CCNC: variants seen among roughly 807,000 people sequenced by gnomAD.
CCNC encodes cyclin-C.
Under a neutral mutation model 50.0 loss-of-function variants are expected in CCNC, and 19 were observed. The ratio of observed to expected loss-of-function variants is 0.38; its 90% CI spans 0.27 to 0.56. The LOEUF is 0.56. Ranked by LOEUF, CCNC falls within the 20% of genes least tolerant of loss-of-function variation. The probability of loss-of-function intolerance (pLI) is 0.72; values close to 1 mark genes in which losing one functional copy is unlikely to be tolerated. For synonymous variants in CCNC, 93 were observed against 103.7 expected (o/e 0.90, Z 0.63); for missense variants, 200 against 327.1 (o/e 0.61, Z 3.00).
At position 99,568,623 on chromosome 6, in the gene CCNC, C is replaced by T. The variant is rs1769265616; in HGVS notation, c.-96G>A. The T allele has an allele frequency of 5.8e-6, 9 of 1,558,660 alleles. No homozygotes were observed. The highest frequency in any genetic ancestry group is 7.8e-6 in the Non-Finnish European group (9 of 1,153,376). ...CCGTCCGGTAACCGCGCTCCTCGAT[C>T]AAATCAGCTCGGCTCGACTCCGCTC... On this transcript the variant is annotated 5_prime_UTR_variant, in exon 1 of 12. Transcript: ENST00000520429.
Position 99,549,592 on chromosome 6 carries a change from CAT to C in CCNC, c.531-19_531-18del. ...ACTATCCTCCTATAGAAATGTAAAT[CAT>C]ATTATTACTGAAAGCAGAACTACCT... On this transcript the variant is annotated intron_variant, in intron 8 of 11. Transcript: ENST00000520429. 6.6e-7 allele frequency: 1 copy of C among 1,513,360 alleles called. No homozygotes were observed. Among genetic ancestry groups the C allele is most frequent in the Non-Finnish European group, 9.2e-7 (1 of 1,091,360 alleles). The allele number at this position is 1,513,360 out of a possible 1,614,324, so 93.7% of individuals were successfully genotyped here. A position where few individuals can be genotyped will look rare whatever the true frequency, so the allele number is the denominator to read the frequency against.
At chr6:99,562,981 C>T (rs1349798810) in intron 1 of CCNC, 33 bp from the exon 2 acceptor site, 2 of 1,366,854 alleles carry the variant, frequency 1.5e-6, no homozygotes, top group Admixed American at 1.8e-5. Flanking sequence ...AATCAACAAG[C>T]AAGGTCAGAG....
At chr6:99,552,094 A>T (rs1420393055) in intron 5 of CCNC, among the ~76,000 whole-genome samples, 199 bp from the exon 6 acceptor site, 1 of 152,086 alleles carries the variant, frequency 6.6e-6, no homozygotes, top group Admixed American at 6.6e-5. Context: ...ACACAGCTTC[A>T]ATTTTATATT....
chr6:99,568,171 C>A (rs779968512), intron 1 of CCNC: 46 of 417,226 alleles, frequency 1.1e-4, no homozygotes, highest in South Asian at 5.6e-4. Context: ...AGTCACACTT[C>A]CCGTACCTGT....
intron 11 of CCNC, chr6:99,544,375 T>A: frequency 1.1e-6 from 1 of 950,464 alleles, no homozygotes; most frequent in Non-Finnish European, 1.6e-6. Flanking sequence ...AACTTATGAG[T>A]AGCAATCCAT....
intron 9 of CCNC, 35 bp from the exon 10 acceptor site, chr6:99,546,509 A>G (rs1286389414): frequency 4.7e-6 from 6 of 1,270,304 alleles, no homozygotes; most frequent in African/African-American, 1.5e-5. Context: ...GTCCATGTTT[A>G]ACTGCAAACA....
intron 2 of CCNC, 179 bp downstream of exon 2, chr6:99,562,663 C>CA (rs558111005): frequency 6.0e-5 from 31 of 515,002 alleles, no homozygotes; most frequent in South Asian, 3.9e-4. Flanking sequence ...AAAATTCACA[C>CA]AAAAAAACTT....
rs1769241170 is a variant in CCNC at position 99,568,278 on chromosome 6, C to T, written c.32+218G>A. On this transcript the variant is annotated intron_variant, in intron 1 of 11. Transcript: ENST00000520429. ...CCGGGAGACGAAACTCTCTCCCACC[C>T]CTCCCCCTCACAGATCCTTCCCTCC... The T allele has an allele frequency of 5.1e-6, 3 of 586,516 alleles. No homozygotes were observed. In the Admixed American group the frequency reaches 9.0e-5, roughly 18 times the overall value. The allele number at this position is 586,516 out of a possible 1,614,324, so 36.3% of individuals were successfully genotyped here. A position where few individuals can be genotyped will look rare whatever the true frequency, so the allele number is the denominator to read the frequency against.
chr6:99,565,090 GTAAT>G (rs1478262781), intron 1 of CCNC, among the ~76,000 whole-genome samples: 1 of 151,932 alleles, frequency 6.6e-6, no homozygotes, highest in East Asian at 1.9e-4. Flanking sequence ...AGAAAATTAA[GTAAT>G]TAATAGGTGA....
At chr6:99,568,203 G>A (rs749195783) in intron 1 of CCNC, 2 of 473,848 alleles carry the variant, frequency 4.2e-6, no homozygotes, top group Non-Finnish European at 7.7e-6. Flanking sequence ...CCGACCCCCC[G>A]CGGCCTAGCT....
chr6:99,545,736 T>C (rs1802042551), intron 10 of CCNC, among the ~76,000 whole-genome samples: 1 of 152,186 alleles, frequency 6.6e-6, no homozygotes, highest in Non-Finnish European at 1.5e-5. Context: ...TTAATTTTAA[T>C]GCATTTAACA....
chr6:99,565,308 C>T (rs1769078841), intron 1 of CCNC, among the ~76,000 whole-genome samples: 1 of 151,942 alleles, frequency 6.6e-6, no homozygotes, highest in Admixed American at 6.6e-5. Context: ...TCTGTATGTG[C>T]CACTATGGAC....
Position 99,545,154 on chromosome 6 carries a change from G to T in CCNC, c.755C>A (p.Thr252Asn), listed in dbSNP as rs1319094771. ...TGGTTTTGGCATCTTACTAAGAATG[G>T]TTGCCATCTCTTTTCTCTCATCGAA... The part of the protein sequence containing the change: ...KNFDERKEMA[T>N]ILSKMPKPKP... Residue 252 changes from threonine to asparagine, a missense_variant, in exon 11 of 12, where the codon ACC becomes AAC. Physicochemically the swap from Thr to Asn is moderately conservative, Grantham distance 65. Coordinates refer to ENST00000520429, the MANE Select transcript of CCNC (RefSeq NM_005190.4). 1 of 1,611,026 alleles carries T rather than the reference G, an allele frequency of 6.2e-7. No homozygotes were observed. The highest frequency in any genetic ancestry group is 8.5e-7 in the Non-Finnish European group (1 of 1,177,434).
intron 1 of CCNC, among the ~76,000 whole-genome samples, chr6:99,565,193 C>T (rs1415003989): frequency 6.6e-6 from 1 of 151,896 alleles, no homozygotes; most frequent in African/African-American, 2.4e-5. Context: ...AGCATTATGT[C>T]GAGTCCTAAA....
Position 99,558,483 on chromosome 6 carries a change from C to T in CCNC, c.346+14G>A. ...GAATTACATCCTTAAAGCAGATATA[C>T]TTTTTGCACTTACATACAGAAGTAG... On this transcript the variant is annotated intron_variant, in intron 5 of 11. Transcript: ENST00000520429. 1 of 1,610,998 alleles carries T rather than the reference C, an allele frequency of 6.2e-7. No homozygotes were observed. The highest frequency in any genetic ancestry group is 8.5e-7 in the Non-Finnish European group (1 of 1,178,788).
chr6:99,566,185 T>C (rs1769113260), intron 1 of CCNC, among the ~76,000 whole-genome samples: 2 of 152,024 alleles, frequency 1.3e-5, no homozygotes, highest in Admixed American at 6.5e-5. Flanking sequence ...AGCAGTAGTT[T>C]GGTCTACTGT....
intron 2 of CCNC, chr6:99,562,418 T>TA (rs1802821000): frequency 6.5e-6 from 1 of 152,858 alleles, no homozygotes; most frequent in African/African-American, 2.4e-5. Flanking sequence ...AACCGAAAGT[T>TA]AAAAAAATTA....
At chr6:99,567,871 G>GA (rs1769208242) in intron 1 of CCNC, among the ~76,000 whole-genome samples, 4 of 152,140 alleles carry the variant, frequency 2.6e-5, no homozygotes, top group African/African-American at 9.7e-5. Flanking sequence ...AAAGTCACTG[G>GA]AAAAATAGGC....
At chr6:99,560,784 T>C (rs1802745015) in intron 4 of CCNC, among the ~76,000 whole-genome samples, 2 of 152,228 alleles carry the variant, frequency 1.3e-5, no homozygotes, top group South Asian at 4.1e-4. Flanking sequence ...CTTTTACTTG[T>C]TAGACTCTAT....
Sources: gnomAD v4.1 joint callset for allele counts (sites outside exome capture counted in the v4.1 genomes callset) on GRCh38, gnomAD v4.1.1 for gene constraint, MANE v1.5 for transcripts, NCBI Gene and HGNC (gene_info 2026-07-23, HGNC 2026-07-21) for gene names.